Variants in FARS2 observed in about 807,000 individuals in gnomAD.
The protein encoded by FARS2 is phenylalanine--tRNA ligase, mitochondrial.
Under a neutral mutation model 46.4 loss-of-function variants are expected in FARS2, and 40 were observed. That is an observed-to-expected ratio of 0.86 (90% confidence interval 0.67 to 1.12). The LOEUF (loss-of-function observed/expected upper bound fraction) is 1.12, where lower values mean the gene tolerates loss of function less well. FARS2 is among the 50% of genes most tolerant of loss of function. FARS2 has a pLI of 0.00. For missense variants in FARS2, 513 were observed against 567.9 expected (o/e 0.90, Z 0.98); for synonymous variants, 234 against 214.9 (o/e 1.09, Z -0.78).
intron 4 of FARS2, among the ~76,000 whole-genome samples, chr6:5,501,131 T>G (rs1767775671): frequency 6.6e-6 from 1 of 151,740 alleles, no homozygotes; most frequent in Non-Finnish European, 1.5e-5. Context: ...GATGTAAACA[T>G]GATATGAATG....
chr6:5,341,898 C>A (rs775898189), intron 1 of FARS2, among the ~76,000 whole-genome samples: 93 of 152,122 alleles, frequency 6.1e-4, no homozygotes, highest in Non-Finnish European at 1.1e-3. Context: ...AAAATAATTT[C>A]CAGTTCTTAC....
intron 5 of FARS2, among the ~76,000 whole-genome samples, chr6:5,595,320 G>T (rs1270326932): frequency 6.6e-6 from 1 of 152,134 alleles, no homozygotes; most frequent in East Asian, 1.9e-4. Context: ...CCTTTGATGT[G>T]TACCTAAGGG....
Position 5,638,968 on chromosome 6 carries a change from A to G in FARS2, c.1217+25648A>G, listed in dbSNP as rs1229375597. On this transcript the variant is annotated intron_variant, in intron 6 of 6. Coordinates refer to ENST00000274680, the MANE Select transcript of FARS2 (RefSeq NM_006567.5). The stretch of plus-strand genomic sequence containing the variant: ...TCTAAAGCTGCTCATAGCAGCACTC[A>G]TAACTGACTAGCAACTTGTATAGCC... Among the ~76,000 whole-genome samples, 4 of 152,344 alleles carry G rather than the reference A, an allele frequency of 2.6e-5. No individual in the cohort carries two copies. The East Asian group carries it at 7.7e-4, about 29-fold the overall frequency.
At chr6:5,557,254 TAAC>T (rs1771716849) in intron 5 of FARS2, among the ~76,000 whole-genome samples, 2 of 152,082 alleles carry the variant, frequency 1.3e-5, no homozygotes. Flanking sequence ...ATGGCTTAAA[TAAC>T]AACAACAGCA....
intron 5 of FARS2, among the ~76,000 whole-genome samples, chr6:5,578,179 G>T (rs1773098703): frequency 6.6e-6 from 1 of 152,134 alleles, no homozygotes; most frequent in African/African-American, 2.4e-5. Context: ...AATGAATAAT[G>T]GTTAAGCCCT....
rs189396891 is a variant in FARS2 at position 5,614,646 on chromosome 6, G to A, written c.1217+1326G>A. ...CATCTCCTGACCTCATGATCCGCCCGCCTGGGCCTCCCAAAGTGCTGTGAT... is the reference window on the plus strand; with the variant it reads ...CATCTCCTGACCTCATGATCCGCCCACCTGGGCCTCCCAAAGTGCTGTGAT... On this transcript the variant is annotated intron_variant, in intron 6 of 6. Coordinates refer to ENST00000274680, the MANE Select transcript of FARS2 (RefSeq NM_006567.5). Among the ~76,000 whole-genome samples, 57 of 152,242 alleles carry A rather than the reference G, an allele frequency of 3.7e-4. No individual in the cohort carries two copies. In the East Asian group the frequency reaches 5.0e-3, roughly 13 times the overall value.
chr6:5,699,983 A>G (rs2326636), intron 6 of FARS2, among the ~76,000 whole-genome samples: 144,199 of 152,216 alleles, frequency 0.95, 68,385 homozygotes, highest in African/African-American at 0.99. Flanking sequence ...TCCCTGTGCC[A>G]TCTTTCACTC....
intron 3 of FARS2, among the ~76,000 whole-genome samples, chr6:5,418,408 T>C (rs1762360199): frequency 6.6e-6 from 1 of 152,216 alleles, no homozygotes; most frequent in Non-Finnish European, 1.5e-5. Context: ...GCAGGACCAG[T>C]ATAGAGTTTC....
intron 1 of FARS2, among the ~76,000 whole-genome samples, chr6:5,297,072 G>A (rs1767945940): frequency 6.6e-6 from 1 of 152,214 alleles, no homozygotes; most frequent in Non-Finnish European, 1.5e-5. Flanking sequence ...TCTTCACATA[G>A]GAGATAGGTA....
chr6:5,490,198 G>A (rs1767018521), intron 4 of FARS2, among the ~76,000 whole-genome samples: 1 of 152,144 alleles, frequency 6.6e-6, no homozygotes, highest in African/African-American at 2.4e-5. Context: ...GTATTTCTGA[G>A]GTTCATCCAT....
At chr6:5,650,376 T>C (rs1777292887) in intron 6 of FARS2, among the ~76,000 whole-genome samples, 1 of 151,276 alleles carries the variant, frequency 6.6e-6, no homozygotes, top group Non-Finnish European at 1.5e-5. Context: ...ATGCTAACTA[T>C]ATACCTTTTC....
chr6:5,550,422 G>A (rs2875997), intron 5 of FARS2, among the ~76,000 whole-genome samples: 79,830 of 151,880 alleles, frequency 0.53, 22,495 homozygotes, highest in Non-Finnish European at 0.64. Flanking sequence ...ATGGTACCAC[G>A]CCCAGCCAAT....
At chr6:5,465,036 G>C (rs1243574342) in intron 4 of FARS2, among the ~76,000 whole-genome samples, 2 of 152,132 alleles carry the variant, frequency 1.3e-5, no homozygotes, top group African/African-American at 4.8e-5. Flanking sequence ...GTTATGAAGA[G>C]TATGTTAGAG....
At chr6:5,440,208 A>G (rs1763760940) in intron 4 of FARS2, among the ~76,000 whole-genome samples, 1 of 152,172 alleles carries the variant, frequency 6.6e-6, no homozygotes, top group South Asian at 2.1e-4. Context: ...AAAACTGTAA[A>G]TCTTTATGCA....
intron 6 of FARS2, among the ~76,000 whole-genome samples, chr6:5,625,510 G>A (rs1047892615): frequency 2.0e-5 from 3 of 152,194 alleles, no homozygotes; most frequent in Non-Finnish European, 2.9e-5. Context: ...AGCCCCGGGG[G>A]GAGGGACTGA....
chr6:5,417,831 C>G (rs975419281), intron 3 of FARS2, among the ~76,000 whole-genome samples: 1 of 152,164 alleles, frequency 6.6e-6, no homozygotes, highest in Non-Finnish European at 1.5e-5. Context: ...TGTTACTCTC[C>G]TCCTTTAGGT....
chr6:5,308,482 G>T (rs1768875477), intron 1 of FARS2, among the ~76,000 whole-genome samples: 1 of 152,182 alleles, frequency 6.6e-6, no homozygotes, highest in Admixed American at 6.5e-5. Context: ...AGGGCCATAA[G>T]TTTTTATTTC....
intron 4 of FARS2, chr6:5,451,704 A>T (rs1363105994): frequency 1.3e-5 from 2 of 152,242 alleles, no homozygotes; most frequent in Non-Finnish European, 2.9e-5. Context: ...GGAGTTTATT[A>T]TGCATATGTA....
chr6:5,740,983 C>T (rs1028172178), intron 6 of FARS2, among the ~76,000 whole-genome samples: 9 of 152,154 alleles, frequency 5.9e-5, no homozygotes, highest in Non-Finnish European at 1.2e-4. Flanking sequence ...AATGGACTCA[C>T]TTCTGACTGC....
Sources: gnomAD v4.1 joint callset for allele counts (sites outside exome capture counted in the v4.1 genomes callset) on GRCh38, gnomAD v4.1.1 for gene constraint, MANE v1.5 for transcripts, NCBI Gene and HGNC (gene_info 2026-07-23, HGNC 2026-07-21) for gene names.